PDHA1: variants seen among roughly 807,000 people sequenced by gnomAD.
PDHA1 encodes the protein pyruvate dehydrogenase E1 component subunit alpha, somatic form, mitochondrial.
A neutral mutation model predicts 33.0 loss-of-function variants in PDHA1; 1 was observed. The observed-to-expected ratio is 0.03, with a 90% confidence interval of 0.01 to 0.14. The LOEUF is 0.14. Ranked by LOEUF, PDHA1 falls within the 10% of genes least tolerant of loss-of-function variation. The pLI, the probability that PDHA1 is intolerant of heterozygous loss-of-function variation, is 1.00. For synonymous variants in PDHA1, 123 were observed against 119.2 expected (o/e 1.03, Z -0.21); for missense variants, 168 against 325.1 (o/e 0.52, Z 3.72).
At position 19,361,557 on chromosome X, in the gene PDHA1, C is replaced by T; in HGVS notation, c.*1904C>T. ...CCAGTCTATAAGCTCTTTATCTGTT[C>T]TCTGCCCGTAGGGGCCTGCTGGGTT... On this transcript the variant is annotated 3_prime_UTR_variant, in exon 11 of 11. Coordinates refer to ENST00000422285, the MANE Select transcript of PDHA1 (RefSeq NM_000284.4). 1 of 1,211,245 alleles carries T rather than the reference C, an allele frequency of 8.3e-7. No homozygotes were observed. The highest frequency in any genetic ancestry group is 1.7e-5 in the African/African-American group (1 of 57,896).
intron 8 of PDHA1, 116 bp from the exon 9 acceptor site, chrX:19,357,536 C>CTGAT: frequency 1.7e-6 from 1 of 595,921 alleles, no homozygotes; most frequent in East Asian, 3.2e-5. Flanking sequence ...CTCAGAAGAT[C>CTGAT]TGATAAGACT....
intron 1 of PDHA1, among the ~76,000 whole-genome samples, chrX:19,344,506 G>C (rs1293059665): frequency 1.8e-5 from 2 of 113,133 alleles, no homozygotes; most frequent in Non-Finnish European, 3.7e-5. Flanking sequence ...GTAGAATCTG[G>C]AGACAGGGTG....
intron 8 of PDHA1, among the ~76,000 whole-genome samples, chrX:19,357,221 A>G (rs1408026955): frequency 8.9e-6 from 1 of 111,772 alleles, no homozygotes; most frequent in Non-Finnish European, 1.9e-5. Flanking sequence ...GATCCTCCCA[A>G]GTAGCTGGGA....
At chrX:19,354,223 G>A (rs1219568501) in intron 5 of PDHA1, among the ~76,000 whole-genome samples, 9 of 112,663 alleles carry the variant, frequency 8.0e-5, no homozygotes, top group Non-Finnish European at 1.3e-4. Flanking sequence ...GAGCCACCAC[G>A]CCCGGCCAGG....
chrX:19,353,361 G>A (rs779704175), intron 5 of PDHA1, 188 bp downstream of exon 5: 48 of 476,180 alleles, frequency 1.0e-4, no homozygotes, highest in Middle Eastern at 7.7e-4. Context: ...AATTCCTGTC[G>A]CCTAGTGATG....
chrX:19,359,884 C>CAAATACTCTAATTATGA lies in PDHA1; in HGVS notation c.*235_*251dup. 1 of 421,746 alleles carries CAAATACTCTAATTATGA rather than the reference C, an allele frequency of 2.4e-6. No individual in the cohort carries two copies. The highest frequency in any genetic ancestry group is 4.2e-6 in the Non-Finnish European group (1 of 238,662). The allele number at this position is 421,746 out of a possible 1,213,427, so 34.8% of individuals were successfully genotyped here. A position where few individuals can be genotyped will look rare whatever the true frequency, so the allele number is the denominator to read the frequency against. Reference sequence around the variant, plus strand: ...TTGACTTAAAATAGTATACTTTGAACAAATACTCTAATTATGAAAAGGAAG... The same window carrying CAAATACTCTAATTATGA: ...TTGACTTAAAATAGTATACTTTGAACAAATACTCTAATTATGAAAATACTCTAATTATGAAAAGGAAG... On this transcript the variant is annotated 3_prime_UTR_variant, in exon 11 of 11. Transcript: ENST00000422285.
chrX:19,349,813 A>T, intron 2 of PDHA1, 124 bp from the exon 3 acceptor site: 1 of 549,677 alleles, frequency 1.8e-6, no homozygotes, highest in Non-Finnish European at 3.2e-6. Context: ...ATGAAGCATT[A>T]CTGATGTGCT....
rs2063251524 is a variant in PDHA1 at position 19,359,734 on chromosome X, T to TCAATGAAATTCAATGA, written c.*82_*97dup. On this transcript the variant is annotated 3_prime_UTR_variant, in exon 11 of 11. Transcript: ENST00000422285. Reference sequence around the variant, plus strand: ...TTGGTTAAGGAGGAAGAAAACCCAGTCAATGAAATTCAATGAAATTCTTGG... The same window carrying TCAATGAAATTCAATGA: ...TTGGTTAAGGAGGAAGAAAACCCAGTCAATGAAATTCAATGACAATGAAATTCAATGAAATTCTTGG... 1 of 835,226 alleles carries TCAATGAAATTCAATGA rather than the reference T, an allele frequency of 1.2e-6. No individual in the cohort carries two copies. Among genetic ancestry groups the TCAATGAAATTCAATGA allele is most frequent in the South Asian group, 2.1e-5 (1 of 46,691 alleles). The allele number at this position is 835,226 out of a possible 1,213,427, so 68.8% of individuals were successfully genotyped here.
chrX:19,351,892 G>A (rs1301426003), intron 4 of PDHA1, among the ~76,000 whole-genome samples: 14 of 97,479 alleles, frequency 1.4e-4, no homozygotes, highest in African/African-American at 5.8e-4. Flanking sequence ...TCCACCTCCC[G>A]GGTTCAAGTG....
chrX:19,356,937 C>T (rs758138810), intron 8 of PDHA1, among the ~76,000 whole-genome samples: 7 of 111,542 alleles, frequency 6.3e-5, no homozygotes, highest in Admixed American at 9.6e-5. Flanking sequence ...GTAGAATGAG[C>T]GAGCCCAACT....
At position 19,360,244 on chromosome X, in the gene PDHA1, A is replaced by ATCAG. The variant is rs1160638767; in HGVS notation, c.*593_*596dup. The ATCAG allele has an allele frequency of 3.8e-5, 5 of 132,919 alleles. No individual in the cohort carries two copies. The highest frequency in any genetic ancestry group is 4.5e-5 in the Non-Finnish European group (3 of 66,624). 11.0% of individuals were successfully genotyped at this position (132,919 alleles called of 1,213,427 possible). A position where few individuals can be genotyped will look rare whatever the true frequency, so the allele number is the denominator to read the frequency against. On this transcript the variant is annotated 3_prime_UTR_variant, in exon 11 of 11. Coordinates refer to ENST00000422285, the MANE Select transcript of PDHA1 (RefSeq NM_000284.4). ...AACATTAACTACAAGGCACATTCGTATCAGTTTTGTGTTTCTCAAATTGAA... is the reference window on the plus strand; with the variant it reads ...AACATTAACTACAAGGCACATTCGTATCAGTCAGTTTTGTGTTTCTCAAATTGAA...
Position 19,361,247 on chromosome X carries a change from G to T in PDHA1, c.*1594G>T. On this transcript the variant is annotated 3_prime_UTR_variant, in exon 11 of 11. Coordinates refer to ENST00000422285, the MANE Select transcript of PDHA1 (RefSeq NM_000284.4). ...GAACCTAATAGAACTCCAGAGTTTG[G>T]GGGGAGGCCCAGCCCTTTGTTTTCT... 6.7e-6 allele frequency: 5 copies of T among 748,172 alleles called. No homozygotes were observed. Among genetic ancestry groups the T allele is most frequent in the Middle Eastern group, 4.9e-4 (1 of 2,053 alleles). 61.7% of individuals were successfully genotyped at this position (748,172 alleles called of 1,213,427 possible).
rs771447698 is a variant in PDHA1 at position 19,359,665 on chromosome X, G to A, written c.*12G>A. The stretch of plus-strand genomic sequence containing the variant: ...AGTCAGTCAGTTAAGGGGAGGAGAA[G>A]GAGAGGTTATACCTTCAGGGGGCTA... On this transcript the variant is annotated 3_prime_UTR_variant, in exon 11 of 11. Transcript: ENST00000422285. 3 of 1,199,316 alleles carry A rather than the reference G, an allele frequency of 2.5e-6. No homozygotes were observed. The highest frequency in any genetic ancestry group is 3.4e-6 in the Non-Finnish European group (3 of 884,586).
At chrX:19,348,877 G>A (rs1323892208) in intron 1 of PDHA1, among the ~76,000 whole-genome samples, 1 of 111,829 alleles carries the variant, frequency 8.9e-6, no homozygotes, top group African/African-American at 3.2e-5. Context: ...CCCGGGAAGC[G>A]GAGGTTGCAG....
At chrX:19,344,530 A>G (rs1372810822) in intron 1 of PDHA1, among the ~76,000 whole-genome samples, 1 of 113,386 alleles carries the variant, frequency 8.8e-6, no homozygotes, top group Non-Finnish European at 1.9e-5. Context: ...TCGTTCAAAC[A>G]GCACCCTCAC....
At chrX:19,354,154 C>G (rs2147179369) in intron 5 of PDHA1, among the ~76,000 whole-genome samples, 1 of 111,883 alleles carries the variant, frequency 8.9e-6, no homozygotes, top group African/African-American at 3.2e-5. Flanking sequence ...CCATCTTGTC[C>G]AGGATGGTCT....
At chrX:19,354,648 A>T in intron 6 of PDHA1, 65 bp downstream of exon 6, 1 of 727,317 alleles carries the variant, frequency 1.4e-6, no homozygotes, top group Non-Finnish European at 2.2e-6. Context: ...TTTACAGTTG[A>T]ATTTCTAAAG....
chrX:19,359,696 C>G lies in PDHA1; in HGVS notation c.*43C>G, dbSNP rs1160380531. 2 of 1,108,568 alleles carry G rather than the reference C, an allele frequency of 1.8e-6. No homozygotes were observed. The highest frequency in any genetic ancestry group is 2.5e-6 in the Non-Finnish European group (2 of 803,553). 91.4% of individuals were successfully genotyped at this position (1,108,568 alleles called of 1,213,427 possible). A position where few individuals can be genotyped will look rare whatever the true frequency, so the allele number is the denominator to read the frequency against. On this transcript the variant is annotated 3_prime_UTR_variant, in exon 11 of 11. Coordinates refer to ENST00000422285, the MANE Select transcript of PDHA1 (RefSeq NM_000284.4). ...GTTATACCTTCAGGGGGCTACCAGA[C>G]AGTGTTCTCAACTTGGTTAAGGAGG...
chrX:19,360,941 CAT>C lies in PDHA1; in HGVS notation c.*1291_*1292del. 3.5e-6 allele frequency: 2 copies of C among 565,343 alleles called. No homozygotes were observed. Among genetic ancestry groups the C allele is most frequent in the Admixed American group, 7.2e-5 (2 of 27,752 alleles). 46.6% of individuals were successfully genotyped at this position (565,343 alleles called of 1,213,427 possible). ...AATGAAAATAAAAACATTCTCCTCA[CAT>C]ATGGAGGTGACGCTCGTGTCCCAGC... On this transcript the variant is annotated 3_prime_UTR_variant, in exon 11 of 11. Transcript: ENST00000422285.
Sources: gnomAD v4.1 joint callset for allele counts (sites outside exome capture counted in the v4.1 genomes callset) on GRCh38, gnomAD v4.1.1 for gene constraint, MANE v1.5 for transcripts, NCBI Gene and HGNC (gene_info 2026-07-23, HGNC 2026-07-21) for gene names.